The following TPGS2 variants were observed in gnomAD, a reference collection of about 807,000 sequenced individuals.
The protein encoded by TPGS2 is tubulin polyglutamylase complex subunit 2.
A neutral mutation model predicts 31.1 loss-of-function variants in TPGS2; 26 were observed. The ratio of observed to expected loss-of-function variants is 0.84; its 90% CI spans 0.61 to 1.16. The LOEUF is 1.16. Among genes scored for constraint, TPGS2 ranks in the 50% most tolerant of loss-of-function variants. TPGS2 has a pLI of 0.00. For synonymous variants in TPGS2, 130 were observed against 136.6 expected, an observed-to-expected ratio of 0.95 and a Z score of 0.34; for missense variants, 351 against 363.8, an observed-to-expected ratio of 0.96 and a Z score of 0.29.
intron 6 of TPGS2, among the ~76,000 whole-genome samples, chr18:36,797,798 A>G (rs2044605503): frequency 6.6e-6 from 1 of 151,946 alleles, no homozygotes; most frequent in East Asian, 1.9e-4. Flanking sequence ...ACCAGGTTGT[A>G]TACCTGGCAT....
chr18:36,798,603 G>C lies in TPGS2; in HGVS notation c.503C>G (p.Ala168Gly), dbSNP rs769931664. The change falls in exon 6 of 7, where the codon GCA (alanine) becomes GGA (glycine). Residue 168 changes from alanine to glycine, a missense_variant. Transcript: ENST00000334295. ...LVYKSGKPAL[A>G]EDTEIWFLDR... is the part of the protein sequence containing the mutation. Reference sequence around the variant, plus strand: ...CAGGAACCAGATCTCAGTGTCTTCTGCTAATGCTGAAGTAGAAGACAAAGG... The same window carrying C: ...CAGGAACCAGATCTCAGTGTCTTCTCCTAATGCTGAAGTAGAAGACAAAGG... 1.9e-6 allele frequency: 3 copies of C among 1,613,198 alleles called. No homozygotes were observed. In the East Asian group the frequency reaches 6.7e-5, roughly 36 times the overall value.
At chr18:36,783,791 A>G (rs1263462141) in intron 6 of TPGS2, among the ~76,000 whole-genome samples, 1 of 152,242 alleles carries the variant, frequency 6.6e-6, no homozygotes, top group East Asian at 1.9e-4. Flanking sequence ...ATCTAACAGT[A>G]GCAGGTCCTA....
intron 4 of TPGS2, among the ~76,000 whole-genome samples, chr18:36,804,577 G>C (rs1236378856): frequency 6.6e-6 from 1 of 152,230 alleles, no homozygotes; most frequent in Non-Finnish European, 1.5e-5. Context: ...AATCGGAGGA[G>C]AAAGCCTTAC....
At chr18:36,801,847 G>A (rs984114837) in intron 4 of TPGS2, among the ~76,000 whole-genome samples, 1 of 152,120 alleles carries the variant, frequency 6.6e-6, no homozygotes, top group Non-Finnish European at 1.5e-5. Context: ...TTGGATACGT[G>A]GATTTATAGT....
rs1339906672 is a variant in TPGS2, at chr18:36,828,982, G to C, written c.-215C>G. On this transcript the variant is annotated 5_prime_UTR_variant, in exon 1 of 7. Transcript: ENST00000334295. ...GCCCGGTGCCCCACACCGCACCTCC[G>C]GGACGTAGCTTCCCCTTCGCCCCCA... 1.2e-5 allele frequency: 13 copies of C among 1,074,158 alleles called. No individual in the cohort carries two copies. In the East Asian group the frequency reaches 3.3e-4, roughly 27 times the overall value. The allele number at this position is 1,074,158 out of a possible 1,614,324, so 66.5% of individuals were successfully genotyped here. A position where few individuals can be genotyped will look rare whatever the true frequency, so the allele number is the denominator to read the frequency against.
intron 4 of TPGS2, among the ~76,000 whole-genome samples, chr18:36,804,013 G>A (rs1012271902): frequency 1.3e-5 from 2 of 151,904 alleles, no homozygotes; most frequent in African/African-American, 2.4e-5. Context: ...GATCAGTGGC[G>A]ATTTACAGAG....
chr18:36,811,769 T>C (rs1397853328), intron 2 of TPGS2, among the ~76,000 whole-genome samples: 1 of 152,204 alleles, frequency 6.6e-6, no homozygotes, highest in Non-Finnish European at 1.5e-5. Flanking sequence ...CACTTACTCA[T>C]TTCACATTTA....
chr18:36,805,675 C>A (rs1046589889), intron 3 of TPGS2, among the ~76,000 whole-genome samples, 173 bp from the exon 4 acceptor site: 1 of 152,108 alleles, frequency 6.6e-6, no homozygotes, highest in Non-Finnish European at 1.5e-5. Context: ...AAAGTACCAA[C>A]CTTTCATACA....
At chr18:36,802,381 T>TA (rs1286321214) in intron 4 of TPGS2, among the ~76,000 whole-genome samples, 2 of 152,206 alleles carry the variant, frequency 1.3e-5, no homozygotes, top group African/African-American at 4.8e-5. Context: ...TCCAGTCCTT[T>TA]AAGACACGTT....
At chr18:36,814,431 T>G (rs956678061) in intron 2 of TPGS2, among the ~76,000 whole-genome samples, 1 of 152,244 alleles carries the variant, frequency 6.6e-6, no homozygotes, top group Admixed American at 6.5e-5. Flanking sequence ...CATATTTCCC[T>G]CCAACCTCAG....
intron 3 of TPGS2, among the ~76,000 whole-genome samples, chr18:36,806,850 T>TAAAAAAAAA (rs397962723): frequency 8.0e-5 from 3 of 37,330 alleles, no homozygotes; most frequent in African/African-American, 1.5e-4. Flanking sequence ...GACTCCATCT[T>TAAAAAAAAA]AAAAAAAAAA....
chr18:36,780,061 G>A, downstream of TPGS2: 1 of 1,025,950 alleles, frequency 9.7e-7, no homozygotes. Context: ...ATGCCATAAT[G>A]AGAAACTTTT....
At chr18:36,781,979 A>G, downstream of TPGS2, 1 of 968,028 alleles carries the variant, frequency 1.0e-6, no homozygotes, top group South Asian at 4.8e-5. Context: ...CTTCTAAATA[A>G]CAGGTACAAT....
rs78700771 is a variant in TPGS2, at chr18:36,813,465, G to A, written c.165+5429C>T. On this transcript the variant is annotated intron_variant, in intron 2 of 6. Transcript: ENST00000334295. ...AATAACTGAGAAATGAAGGAAGGAT[G>A]GTAATTTGTAAACTATGGCCACTGG... Among the ~76,000 whole-genome samples the A allele has an allele frequency of 4.1e-3, 628 of 152,044 alleles. 28 individuals carry two copies. The East Asian group carries it at 0.1, about 25-fold the overall frequency.
chr18:36,800,304 A>T lies in TPGS2; in HGVS notation c.390T>A (p.Asp130Glu), dbSNP rs778175232. Residue 130 changes from aspartate to glutamate, a missense_variant, in exon 5 of 7, where the codon GAT becomes GAA. Asp to Glu is a conservative substitution (Grantham distance 45). Transcript: ENST00000334295. ...CAAAGTGAGGCTTCTCTGGCTGATC[A>T]TCACTGGCTGCAAACCCAGAAGTTA... The part of the protein sequence containing the change: ...DLEDDTHEAS[D>E]DQPEKPHFDS... 1 of 1,614,146 alleles carries T rather than the reference A, an allele frequency of 6.2e-7. No homozygotes were observed. The highest frequency in any genetic ancestry group is 8.5e-7 in the Non-Finnish European group (1 of 1,179,984).
At chr18:36,784,748 T>G (rs1159074094) in intron 6 of TPGS2, among the ~76,000 whole-genome samples, 1 of 152,224 alleles carries the variant, frequency 6.6e-6, no homozygotes, top group African/African-American at 2.4e-5. Flanking sequence ...TGAGACATAT[T>G]GAATAACTCT....
intron 4 of TPGS2, among the ~76,000 whole-genome samples, chr18:36,804,273 A>C (rs1047596016): frequency 6.6e-6 from 1 of 152,160 alleles, no homozygotes; most frequent in African/African-American, 2.4e-5. Context: ...CAGGTGTCGG[A>C]AGGCCAAGTG....
intron 6 of TPGS2, among the ~76,000 whole-genome samples, chr18:36,787,422 GA>G (rs1308138100): frequency 6.6e-6 from 1 of 152,226 alleles, no homozygotes; most frequent in African/African-American, 2.4e-5. Context: ...TCCCACTGGG[GA>G]ACAGCCAGAT....
rs1363712846 is a variant in TPGS2, at chr18:36,794,303, T to A, written c.*2502A>T. On this transcript the variant is annotated 3_prime_UTR_variant, in exon 7 of 7. Coordinates refer to ENST00000334295, the MANE Select transcript of TPGS2 (RefSeq NM_015476.4). ...GTACTGGATCCTGCACTGAGTGGAG[T>A]CAGTCCTGCTCTTCCCTGCTCACTC... is the stretch of plus-strand genomic sequence containing the variant. The A allele has an allele frequency of 6.1e-6, 6 of 985,024 alleles. No individual in the cohort carries two copies. The highest frequency in any genetic ancestry group is 7.2e-6 in the Non-Finnish European group (6 of 829,868). 61.0% of individuals were successfully genotyped at this position (985,024 alleles called of 1,614,324 possible).
Sources: gnomAD v4.1 joint callset for allele counts (sites outside exome capture counted in the v4.1 genomes callset) on GRCh38, gnomAD v4.1.1 for gene constraint, MANE v1.5 for transcripts, NCBI Gene and HGNC (gene_info 2026-07-23, HGNC 2026-07-21) for gene names.